The following NEDD4L variants were observed in gnomAD, a reference collection of about 807,000 sequenced individuals.
NEDD4L encodes the protein E3 ubiquitin-protein ligase NEDD4-like.
NEDD4L carries 54 observed loss-of-function variants against 148.9 expected under a neutral mutation model. The observed-to-expected ratio is 0.36, with a 90% CI of 0.29 to 0.45. The LOEUF (loss-of-function observed/expected upper bound fraction) is 0.45. Among genes scored for constraint, NEDD4L ranks in the 20% least tolerant of loss-of-function variants. NEDD4L has a pLI of 1.00. For missense variants in NEDD4L, 856 were observed against 1,233.8 expected, an observed-to-expected ratio of 0.69 and a Z score of 4.59; for synonymous variants, 433 against 440.7, an observed-to-expected ratio of 0.98 and a Z score of 0.22.
intron 8 of NEDD4L, 130 bp from the exon 9 acceptor site, chr18:58,324,866 G>T: frequency 2.6e-6 from 2 of 767,922 alleles, no homozygotes; most frequent in East Asian, 5.0e-5. Context: ...CTCAAATGTG[G>T]CCCCGAAGCC....
At chr18:58,268,590 C>T (rs985836383) in intron 5 of NEDD4L, among the ~76,000 whole-genome samples, 3 of 152,050 alleles carry the variant, frequency 2.0e-5, no homozygotes, top group Admixed American at 1.3e-4. Context: ...CAGATAGACA[C>T]AATCTTAGTT....
rs1159067435 is a variant in NEDD4L at position 58,341,718 on chromosome 18, A to G, written c.1298A>G (p.Asn433Ser). 1.2e-6 allele frequency: 2 copies of G among 1,613,770 alleles called. No homozygotes were observed. Among genetic ancestry groups the G allele is most frequent in the African/African-American group, 2.7e-5 (2 of 74,928 alleles). ...DGASGSATNS[N>S]NHLIEPQIRR... ...GCGTCCGGATCAGCCACAAACAGTA[A>G]CAACCATCTAATCGAGCCTCAGATC... Residue 433 changes from asparagine to serine, a missense_variant, in exon 15 of 31, where the codon AAC (asparagine) becomes AGC (serine). By Grantham distance (46) the Asn-to-Ser change is conservative (BLOSUM62 1). Around this residue, in one of 4 missense-constraint regions of NEDD4L, gnomAD observed 367 missense variants for 422.7 expected, o/e 0.87. Transcript: ENST00000400345.
At chr18:58,180,097 C>T (rs1475590296) in intron 2 of NEDD4L, among the ~76,000 whole-genome samples, 1 of 152,236 alleles carries the variant, frequency 6.6e-6, no homozygotes, top group East Asian at 1.9e-4. Flanking sequence ...GACCATGTTC[C>T]TGCCTGGGCA....
At chr18:58,193,464 G>A (rs1241752683) in intron 2 of NEDD4L, among the ~76,000 whole-genome samples, 1 of 151,918 alleles carries the variant, frequency 6.6e-6, no homozygotes, top group Non-Finnish European at 1.5e-5. Flanking sequence ...CCTCATCACA[G>A]CTGCCTGTAA....
intron 5 of NEDD4L, among the ~76,000 whole-genome samples, chr18:58,285,453 C>T (rs994096594): frequency 6.6e-6 from 1 of 152,094 alleles, no homozygotes; most frequent in Non-Finnish European, 1.5e-5. Context: ...CTTAGCCTCC[C>T]CAGTAGCTTG....
At chr18:58,125,027 T>A (rs1466270845) in intron 1 of NEDD4L, among the ~76,000 whole-genome samples, 1 of 152,128 alleles carries the variant, frequency 6.6e-6, no homozygotes, top group Non-Finnish European at 1.5e-5. Context: ...CTCACCCTTT[T>A]GAGTAGCTGG....
At chr18:58,296,177 G>A (rs1373407250) in intron 5 of NEDD4L, among the ~76,000 whole-genome samples, 1 of 152,168 alleles carries the variant, frequency 6.6e-6, no homozygotes, top group Non-Finnish European at 1.5e-5. Flanking sequence ...GTGGTACCCT[G>A]ATGTTTATAA....
intron 17 of NEDD4L, 26 bp from the exon 18 acceptor site, chr18:58,350,965 C>A: frequency 6.4e-7 from 1 of 1,559,194 alleles, no homozygotes; most frequent in Non-Finnish European, 8.7e-7. Context: ...TATATTTTCT[C>A]TCTCCCTTCC....
chr18:58,275,788 G>A (rs1302426867), intron 5 of NEDD4L, among the ~76,000 whole-genome samples: 1 of 145,878 alleles, frequency 6.9e-6, no homozygotes, highest in Non-Finnish European at 1.5e-5. Context: ...AGGATGGAAT[G>A]GCTGAGGGCA....
chr18:58,255,504 G>A lies in NEDD4L; in HGVS notation c.297+3450G>A, dbSNP rs886078738. 4.9e-6 allele frequency: 6 copies of A among 1,230,600 alleles called. No homozygotes were observed. The African/African-American group carries it at 7.8e-5, about 16-fold the overall frequency. 76.2% of individuals were successfully genotyped at this position (1,230,600 alleles called of 1,614,324 possible). A position where few individuals can be genotyped will look rare whatever the true frequency, so the allele number is the denominator to read the frequency against. On this transcript the variant is annotated intron_variant, in intron 5 of 30. Transcript: ENST00000400345. ...ACTTGGGTTATTTCTGCTATCTGTCGCTCCCGGTGCCGCAGTGCTAACAGT... is the reference window on the plus strand; with the variant it reads ...ACTTGGGTTATTTCTGCTATCTGTCACTCCCGGTGCCGCAGTGCTAACAGT...
chr18:58,237,224 C>A (rs2046140478), intron 2 of NEDD4L, among the ~76,000 whole-genome samples: 1 of 152,064 alleles, frequency 6.6e-6, no homozygotes, highest in Non-Finnish European at 1.5e-5. Flanking sequence ...TATTCCCCGC[C>A]CCCCACTTTG....
chr18:58,110,477 T>C (rs529527114), intron 1 of NEDD4L, among the ~76,000 whole-genome samples: 1 of 152,276 alleles, frequency 6.6e-6, no homozygotes, highest in South Asian at 2.1e-4. Flanking sequence ...AGTGAGCTGA[T>C]GAGATTCGTG....
intron 2 of NEDD4L, among the ~76,000 whole-genome samples, chr18:58,175,291 T>C (rs1257993656): frequency 2.0e-5 from 3 of 152,120 alleles, no homozygotes; most frequent in Non-Finnish European, 4.4e-5. Context: ...GACTGCGCCT[T>C]TCTGGCCACT....
At chr18:58,356,756 C>G (rs2044720236) in intron 18 of NEDD4L, among the ~76,000 whole-genome samples, 1 of 151,984 alleles carries the variant, frequency 6.6e-6, no homozygotes, top group East Asian at 1.9e-4. Flanking sequence ...TTTTTCAACA[C>G]CATAAGTAAA....
intron 2 of NEDD4L, chr18:58,195,574 C>A (rs768624724): frequency 3.0e-6 from 4 of 1,339,832 alleles, no homozygotes; most frequent in Non-Finnish European, 3.9e-6. Context: ...CAGCACGGCA[C>A]CTCCCACTCC....
intron 18 of NEDD4L, chr18:58,351,275 A>C: frequency 2.9e-6 from 2 of 690,038 alleles, no homozygotes; most frequent in Non-Finnish European, 3.6e-6. Context: ...TGACCTATTA[A>C]CGTGTTTTTT....
At chr18:58,333,420 A>AT in intron 11 of NEDD4L, among the ~76,000 whole-genome samples, 1 of 152,336 alleles carries the variant, frequency 6.6e-6, no homozygotes, top group African/African-American at 2.4e-5. Context: ...GGGTAGCCAC[A>AT]TATCACTATT....
chr18:58,275,629 G>A (rs1351739762), intron 5 of NEDD4L, among the ~76,000 whole-genome samples: 1 of 152,210 alleles, frequency 6.6e-6, no homozygotes, highest in Non-Finnish European at 1.5e-5. Flanking sequence ...TCTGGCCGCT[G>A]CACCAGCCTG....
At chr18:58,091,023 T>A (rs1372831120) in intron 1 of NEDD4L, 1 of 149,728 alleles carries the variant, frequency 6.7e-6, no homozygotes, top group Non-Finnish European at 1.5e-5. Context: ...GCACCTTACT[T>A]CTACCCTTGG....
Sources: gnomAD v4.1 joint callset for allele counts (sites outside exome capture counted in the v4.1 genomes callset) on GRCh38, gnomAD v4.1.1 for gene constraint, gnomAD v4.1.1 regional missense constraint, MANE v1.5 for transcripts, NCBI Gene and HGNC (gene_info 2026-07-23, HGNC 2026-07-21) for gene names.